The following SPHKAP variants were observed in gnomAD, a reference collection of about 807,000 sequenced individuals.
The protein encoded by SPHKAP is SPHK1 interactor, AKAP domain containing.
SPHKAP carries 67 observed loss-of-function variants against 137.5 expected under a neutral mutation model. The ratio of observed to expected loss-of-function variants is 0.49; its 90% CI spans 0.40 to 0.60. The LOEUF (loss-of-function observed/expected upper bound fraction) is 0.60, where lower values mean the gene tolerates loss of function less well. Among genes scored for constraint, SPHKAP ranks in the 20% least tolerant of loss-of-function variants. The pLI, the probability that SPHKAP is intolerant of heterozygous loss-of-function variation, is 0.00. For missense variants in SPHKAP, 2,097 were observed against 2,069.3 expected, an observed-to-expected ratio of 1.01 and a Z score of -0.26; for synonymous variants, 813 against 785.3, an observed-to-expected ratio of 1.04 and a Z score of -0.59.
intron 1 of SPHKAP, among the ~76,000 whole-genome samples, chr2:228,173,502 C>T (rs1338673301): frequency 1.3e-5 from 2 of 152,030 alleles, no homozygotes; most frequent in Non-Finnish European, 2.9e-5. Flanking sequence ...AGGAGGGAGG[C>T]AGAAAAGGAG....
chr2:228,122,992 A>G (rs1210420908), intron 2 of SPHKAP, among the ~76,000 whole-genome samples: 1 of 152,076 alleles, frequency 6.6e-6, no homozygotes, highest in African/African-American at 2.4e-5. Flanking sequence ...CTTACGGCCA[A>G]AGAGTCCTCC....
chr2:228,137,023 C>T (rs890705975), intron 1 of SPHKAP, among the ~76,000 whole-genome samples: 2 of 152,078 alleles, frequency 1.3e-5, no homozygotes, highest in Non-Finnish European at 2.9e-5. Context: ...TCCCACACAC[C>T]TCCAGTGCCC....
chr2:228,033,553 C>T (rs1415066083), intron 3 of SPHKAP, among the ~76,000 whole-genome samples: 1 of 152,158 alleles, frequency 6.6e-6, no homozygotes, highest in Non-Finnish European at 1.5e-5. Context: ...GAGAAGTCTC[C>T]ACCCCAAATC....
At chr2:228,044,195 C>A (rs1183230604) in intron 3 of SPHKAP, among the ~76,000 whole-genome samples, 1 of 152,154 alleles carries the variant, frequency 6.6e-6, no homozygotes, top group African/African-American at 2.4e-5. Context: ...AAGCATGCTG[C>A]AATCTCATTG....
intron 3 of SPHKAP, among the ~76,000 whole-genome samples, chr2:228,086,003 T>C (rs1263498133): frequency 1.3e-5 from 2 of 152,174 alleles, no homozygotes; most frequent in African/African-American, 2.4e-5. Flanking sequence ...GTGGACTCTA[T>C]GTTTACAAAC....
At chr2:228,113,982 G>T (rs1379391236) in intron 2 of SPHKAP, among the ~76,000 whole-genome samples, 4 of 152,198 alleles carry the variant, frequency 2.6e-5, no homozygotes, top group Middle Eastern at 3.4e-3. Flanking sequence ...AAATCATTAG[G>T]AAAAGAAGAA....
intron 11 of SPHKAP, among the ~76,000 whole-genome samples, chr2:227,987,823 A>G (rs893672004): frequency 6.6e-6 from 1 of 152,164 alleles, no homozygotes; most frequent in African/African-American, 2.4e-5. Context: ...AGGTTAGTAA[A>G]TTGGGAACAC....
intron 1 of SPHKAP, among the ~76,000 whole-genome samples, chr2:228,157,010 G>A (rs190059136): frequency 1.3e-5 from 2 of 152,258 alleles, no homozygotes; most frequent in East Asian, 3.9e-4. Flanking sequence ...CACAGTGCAA[G>A]GAGCTCAAGA....
intron 1 of SPHKAP, among the ~76,000 whole-genome samples, chr2:228,154,477 A>G (rs1214146242): frequency 8.3e-6 from 1 of 120,580 alleles, no homozygotes; most frequent in Non-Finnish European, 1.7e-5. Flanking sequence ...CAATTTGTAA[A>G]TAAACTCTCT....
At chr2:228,025,879 TA>T (rs1695016054) in intron 4 of SPHKAP, 1 of 984,802 alleles carries the variant, frequency 1.0e-6, no homozygotes, top group African/African-American at 1.7e-5. Context: ...TTTTTTGTTT[TA>T]ACTAATAATC....
At chr2:228,100,445 C>A (rs1698153209) in intron 3 of SPHKAP, among the ~76,000 whole-genome samples, 1 of 152,040 alleles carries the variant, frequency 6.6e-6, no homozygotes, top group Admixed American at 6.6e-5. Flanking sequence ...ATGCTTCCAG[C>A]TCTTGTTTTT....
At chr2:228,053,509 C>T (rs1055446407) in intron 3 of SPHKAP, among the ~76,000 whole-genome samples, 1 of 152,050 alleles carries the variant, frequency 6.6e-6, no homozygotes, top group Non-Finnish European at 1.5e-5. Flanking sequence ...CTTGGTGGTA[C>T]ACAGGGGCTG....
At chr2:228,044,358 G>A (rs1263612058) in intron 3 of SPHKAP, among the ~76,000 whole-genome samples, 4 of 152,048 alleles carry the variant, frequency 2.6e-5, no homozygotes, top group Non-Finnish European at 5.9e-5. Context: ...TTTTTTTAAC[G>A]GAATTATCCA....
chr2:228,043,812 G>A (rs1695936304), intron 3 of SPHKAP, among the ~76,000 whole-genome samples: 2 of 151,828 alleles, frequency 1.3e-5, no homozygotes, highest in Admixed American at 6.5e-5. Context: ...CTTCCACTAA[G>A]CTTCCATTAA....
rs1694702285 is a variant in SPHKAP, at chr2:228,018,529, G to T, written c.2325C>A (p.Ser775Arg). 1 of 1,614,128 alleles carries T rather than the reference G, an allele frequency of 6.2e-7. No individual in the cohort carries two copies. The highest frequency in any genetic ancestry group is 8.5e-7 in the Non-Finnish European group (1 of 1,180,010). ...ATESSSSSPL[S>R]NSHNTSLVIN... is the part of the protein sequence containing the mutation. The stretch of plus-strand genomic sequence containing the variant: ...TGACAAGACTCGTGTTGTGTGAATT[G>T]CTAAGTGGAGAGCTGCTGGAGGATT... The change falls in exon 7 of 12, where the codon AGC becomes AGA. Residue 775 changes from serine (S) to arginine (R), a missense_variant. Coordinates refer to ENST00000392056, the MANE Select transcript of SPHKAP (RefSeq NM_001142644.2).
At chr2:227,993,432 T>C (rs565407838) in intron 9 of SPHKAP, 102 bp downstream of exon 9, 255 of 1,037,960 alleles carry the variant, frequency 2.5e-4, no homozygotes, top group Non-Finnish European at 3.3e-4. Flanking sequence ...AGTACAGACA[T>C]GATGAGGTCA....
intron 6 of SPHKAP, among the ~76,000 whole-genome samples, chr2:228,021,214 C>CA (rs1194685900): frequency 3.3e-5 from 5 of 152,076 alleles, no homozygotes; most frequent in African/African-American, 7.2e-5. Flanking sequence ...TCTGTCTTCA[C>CA]AAAAATCATT....
chr2:228,169,646 G>A (rs1574916046), intron 1 of SPHKAP: 2 of 152,170 alleles, frequency 1.3e-5, no homozygotes, highest in Middle Eastern at 3.4e-3. Flanking sequence ...GAAAATTAAT[G>A]TTGTTTTTAT....
intron 3 of SPHKAP, among the ~76,000 whole-genome samples, chr2:228,045,634 A>C: frequency 6.6e-6 from 1 of 151,996 alleles, no homozygotes; most frequent in Non-Finnish European, 1.5e-5. Context: ...GCATTAGGAG[A>C]TATACCTAAT....
Sources: allele counts gnomAD v4.1 joint callset (sites outside exome capture counted in the v4.1 genomes callset), GRCh38; gene constraint gnomAD v4.1.1; transcripts MANE v1.5; gene names NCBI Gene and HGNC (gene_info 2026-07-23, HGNC 2026-07-21).